CADPS2: variants seen among roughly 807,000 people sequenced by gnomAD.
The protein encoded by CADPS2 is calcium dependent secretion activator 2, also known as calcium-dependent secretion activator 2.
A neutral mutation model predicts 172.5 loss-of-function variants in CADPS2; 93 were observed. The ratio of observed to expected loss-of-function variants is 0.54; its 90% CI spans 0.46 to 0.64. The LOEUF (loss-of-function observed/expected upper bound fraction) is 0.64. Ranked by LOEUF, CADPS2 falls within the 30% of genes least tolerant of loss-of-function variation. CADPS2 has a pLI of 0.00. For missense variants in CADPS2, 1,420 were observed against 1,565.9 expected, an observed-to-expected ratio of 0.91 and a Z score of 1.57; for synonymous variants, 546 against 555.2, an observed-to-expected ratio of 0.98 and a Z score of 0.23.
chr7:122,488,527 G>A lies in CADPS2; in HGVS notation c.1852+1554C>T, dbSNP rs140144844. 2.2e-3 allele frequency among the ~76,000 whole-genome samples: 332 copies of A among 152,340 alleles called. 2 individuals are homozygous for A. Among genetic ancestry groups the A allele is most frequent in the African/African-American group, 7.3e-3 (304 of 41,590 alleles). ...GATCCAAGGAGGACACAGACTACAT[G>A]GACTTCATTGCCAGGTGCCCTGGCA... On this transcript the variant is annotated intron_variant, in intron 11 of 29. Coordinates refer to ENST00000449022, the MANE Select transcript of CADPS2 (RefSeq NM_017954.11).
At chr7:122,878,672 A>G (rs984287947) in intron 1 of CADPS2, among the ~76,000 whole-genome samples, 1 of 151,408 alleles carries the variant, frequency 6.6e-6, no homozygotes, top group African/African-American at 2.4e-5. Flanking sequence ...ATAAATAAAT[A>G]AATAAATAAA....
chr7:122,725,781 G>C (rs750589839), intron 2 of CADPS2, among the ~76,000 whole-genome samples: 2 of 151,770 alleles, frequency 1.3e-5, no homozygotes, highest in Non-Finnish European at 2.9e-5. Context: ...GATACAGAGA[G>C]ACACCATGGT....
chr7:122,779,263 C>T (rs940106917), intron 1 of CADPS2, among the ~76,000 whole-genome samples: 4 of 152,138 alleles, frequency 2.6e-5, no homozygotes, highest in African/African-American at 9.7e-5. Flanking sequence ...AACAATAAGC[C>T]TTTGTTCCCA....
intron 1 of CADPS2, among the ~76,000 whole-genome samples, chr7:122,796,396 C>T (rs1006330005): frequency 2.0e-5 from 3 of 151,970 alleles, no homozygotes; most frequent in African/African-American, 7.3e-5. Flanking sequence ...ATATGGAGCC[C>T]AAATAGCCAA....
chr7:122,462,250 T>G (rs2054545112), intron 14 of CADPS2, among the ~76,000 whole-genome samples: 1 of 152,174 alleles, frequency 6.6e-6, no homozygotes, highest in South Asian at 2.1e-4. Flanking sequence ...GAGGGTAATA[T>G]TCTAAGGACT....
rs57852366 is a variant in CADPS2 at position 122,662,375 on chromosome 7, C to CT, written c.786+861dup. ...ACATGATTTTATACCTCCTTCCCTG[C>CT]TTTTTTTTTTTTTTTTTTTTAAGAC... is the stretch of plus-strand genomic sequence containing the variant. On this transcript the variant is annotated intron_variant, in intron 3 of 29. Coordinates refer to ENST00000449022, the MANE Select transcript of CADPS2 (RefSeq NM_017954.11). Among the ~76,000 whole-genome samples the CT allele has an allele frequency of 1.3e-3, 167 of 127,718 alleles. 2 individuals are homozygous for CT. The highest frequency in any genetic ancestry group is 3.5e-3 in the African/African-American group (121 of 34,464). The allele number at this position is 127,718 out of a possible 152,430, so 83.8% of individuals were successfully genotyped here.
chr7:122,776,845 C>T (rs534570751), intron 1 of CADPS2, among the ~76,000 whole-genome samples: 1 of 152,238 alleles, frequency 6.6e-6, no homozygotes, highest in East Asian at 1.9e-4. Flanking sequence ...TTGCATGTAA[C>T]TCTAGCAACA....
At chr7:122,836,970 T>A (rs1394615009) in intron 1 of CADPS2, among the ~76,000 whole-genome samples, 1 of 152,202 alleles carries the variant, frequency 6.6e-6, no homozygotes, top group Non-Finnish European at 1.5e-5. Flanking sequence ...ATCAACAGAA[T>A]ATACATTCTT....
chr7:122,885,143 T>G (rs1374218682), intron 1 of CADPS2, among the ~76,000 whole-genome samples: 1 of 152,152 alleles, frequency 6.6e-6, no homozygotes, highest in Non-Finnish European at 1.5e-5. Flanking sequence ...TTTAACCACT[T>G]AGGACAATTT....
At chr7:122,721,328 A>G (rs1398250209) in intron 2 of CADPS2, among the ~76,000 whole-genome samples, 1 of 152,112 alleles carries the variant, frequency 6.6e-6, no homozygotes, top group Admixed American at 6.6e-5. Flanking sequence ...GAAGAATCAA[A>G]TAGACGCAAT....
chr7:122,444,845 G>A lies in CADPS2; in HGVS notation c.2289-3270C>T, dbSNP rs184677289. Among the ~76,000 whole-genome samples the A allele has an allele frequency of 3.0e-3, 460 of 152,158 alleles. 3 individuals are homozygous for A. Among genetic ancestry groups the A allele is most frequent in the African/African-American group, 0.011 (444 of 41,526 alleles). On this transcript the variant is annotated intron_variant, in intron 15 of 29. Transcript: ENST00000449022. ...TTTTCCATTTATGAATTATGATTATGTTTTATTTAAGAATCTTTGCCTAAC... is the reference window on the plus strand; with the variant it reads ...TTTTCCATTTATGAATTATGATTATATTTTATTTAAGAATCTTTGCCTAAC...
chr7:122,454,504 T>A (rs2053523140), intron 14 of CADPS2, among the ~76,000 whole-genome samples: 1 of 152,178 alleles, frequency 6.6e-6, no homozygotes, highest in African/African-American at 2.4e-5. Context: ...TGAAAAGCAA[T>A]AATGGAGTAT....
rs114735343 is a variant in CADPS2, at chr7:122,876,356, A to G, written c.339+9643T>C. Among the ~76,000 whole-genome samples the G allele has an allele frequency of 2.4e-3, 368 of 152,166 alleles. 1 individual carries two copies. The highest frequency in any genetic ancestry group is 8.5e-3 in the African/African-American group (354 of 41,534). On this transcript the variant is annotated intron_variant, in intron 1 of 29. Transcript: ENST00000449022. ...TAAAATAAGGGAATCCAGCAAATCT[A>G]ATTTTATATTTATTTTTTCTTTTGA...
chr7:122,645,446 C>T (rs1465529033), intron 3 of CADPS2, among the ~76,000 whole-genome samples: 4 of 95,126 alleles, frequency 4.2e-5, no homozygotes, highest in Non-Finnish European at 2.3e-5. Context: ...TATATATACA[C>T]ACACATATGT....
chr7:122,610,194 C>G (rs1222847901), intron 6 of CADPS2, among the ~76,000 whole-genome samples: 1 of 151,702 alleles, frequency 6.6e-6, no homozygotes, highest in Non-Finnish European at 1.5e-5. Context: ...AATACTTCCT[C>G]TCAGGTTTCA....
rs774509494 is a variant in CADPS2 at position 122,663,551 on chromosome 7, G to A, written c.472C>T (p.Arg158Ter). The A allele has an allele frequency of 3.2e-6, 5 of 1,582,650 alleles. No homozygotes were observed. Among genetic ancestry groups the A allele is most frequent in the Non-Finnish European group, 3.4e-6 (4 of 1,162,688 alleles). ...CCACTCTGTACCATTCTGGCCACTC[G>A]GTCACTCTTTAGAAAAACCTGAAAA... The part of the protein sequence containing the change: ...SYYEVFLKSD[R>*]VARMVQSGGC... The change falls in exon 3 of 30, where the codon CGA becomes TGA. Residue 158 changes from arginine to a stop codon, truncating the protein, a stop_gained. Coordinates refer to ENST00000449022, the MANE Select transcript of CADPS2 (RefSeq NM_017954.11). LOFTEE classifies it high-confidence loss of function.
intron 19 of CADPS2, chr7:122,409,564 G>A (rs933221265): frequency 4.6e-6 from 2 of 438,848 alleles, no homozygotes; most frequent in African/African-American, 4.0e-5. Flanking sequence ...ATCTCAAGTT[G>A]TACTCCTGAT....
chr7:122,684,311 T>C (rs2083395353), intron 2 of CADPS2, among the ~76,000 whole-genome samples: 1 of 152,136 alleles, frequency 6.6e-6, no homozygotes, highest in Admixed American at 6.5e-5. Context: ...ACAGAGAGCA[T>C]AGTTTTTTAG....
intron 2 of CADPS2, among the ~76,000 whole-genome samples, chr7:122,733,581 G>T (rs2091882711): frequency 6.6e-6 from 1 of 151,854 alleles, no homozygotes; most frequent in South Asian, 2.1e-4. Context: ...TTCAAATTGA[G>T]TCAAGTGGCC....
Sources: gnomAD v4.1 joint callset for allele counts (sites outside exome capture counted in the v4.1 genomes callset) on GRCh38, gnomAD v4.1.1 for gene constraint, MANE v1.5 for transcripts, NCBI Gene and HGNC (gene_info 2026-07-23, HGNC 2026-07-21) for gene names.